The following AFTPH variants were observed in gnomAD, a reference collection of about 807,000 sequenced individuals.
AFTPH encodes the protein aftiphilin.
In AFTPH, 7 loss-of-function variants were observed where a neutral mutation model predicts 72.5. That is an observed-to-expected ratio of 0.10 (90% CI 0.05 to 0.18). The LOEUF (loss-of-function observed/expected upper bound fraction) is 0.18. Among genes scored for constraint, AFTPH ranks in the 10% least tolerant of loss-of-function variants. The pLI, the probability that AFTPH is intolerant of heterozygous loss-of-function variation, is 1.00. For missense variants in AFTPH, 979 were observed against 1,060.5 expected, an observed-to-expected ratio of 0.92 and a Z score of 1.07; for synonymous variants, 337 against 370.1, an observed-to-expected ratio of 0.91 and a Z score of 1.03.
At chr2:64,532,966 A>G (rs1669707463) in intron 1 of AFTPH, among the ~76,000 whole-genome samples, 1 of 152,202 alleles carries the variant, frequency 6.6e-6, no homozygotes, top group Non-Finnish European at 1.5e-5. Flanking sequence ...CATATGTGTA[A>G]TTAAGTAGAT....
At chr2:64,577,611 C>CTGATCT (rs1345432120) in intron 6 of AFTPH, among the ~76,000 whole-genome samples, 2 of 152,186 alleles carry the variant, frequency 1.3e-5, no homozygotes, top group African/African-American at 4.8e-5. Context: ...AAAGGTGTCA[C>CTGATCT]TGATCTAGAA....
Position 64,589,718 on chromosome 2 carries a change from C to T in AFTPH, c.2580-2167C>T, listed in dbSNP as rs143742218. 1.4e-3 allele frequency among the ~76,000 whole-genome samples: 213 copies of T among 152,262 alleles called. 1 individual carries two copies. The highest frequency in any genetic ancestry group is 5.0e-3 in the African/African-American group (208 of 41,546). On this transcript the variant is annotated intron_variant, in intron 8 of 8. Transcript: ENST00000238856. ...TTATTTTTTGCTGTCTGTTCCTACA[C>T]CCAAACTGCACTCCACAAATGGGAA...
intron 6 of AFTPH, 53 bp downstream of exon 6, chr2:64,573,121 ATC>A: frequency 1.5e-6 from 2 of 1,355,224 alleles, no homozygotes; most frequent in Non-Finnish European, 2.1e-6. Flanking sequence ...ATACACATAT[ATC>A]CACACATACT....
chr2:64,525,216 C>G (rs529795237), intron 1 of AFTPH, among the ~76,000 whole-genome samples: 2 of 152,326 alleles, frequency 1.3e-5, no homozygotes, highest in African/African-American at 4.8e-5. Context: ...TTATCTGCGT[C>G]TCCTCTCCAG....
intron 8 of AFTPH, among the ~76,000 whole-genome samples, chr2:64,588,829 C>A (rs539188801): frequency 6.6e-6 from 1 of 152,274 alleles, no homozygotes; most frequent in East Asian, 1.9e-4. Context: ...CAAGCGATCT[C>A]CCTCCTCAGC....
chr2:64,555,554 G>GTC (rs1319217092), intron 2 of AFTPH, among the ~76,000 whole-genome samples: 45 of 118,164 alleles, frequency 3.8e-4, no homozygotes, highest in African/African-American at 1.5e-3. Flanking sequence ...GAGAGAGACT[G>GTC]TCACACACAC....
chr2:64,567,661 C>T, exon 3 of AFTPH: 2 of 1,613,498 alleles, frequency 1.2e-6, no homozygotes, highest in Non-Finnish European at 1.7e-6. Flanking sequence ...GAAGCACTTG[C>T]TGGAAACAAG....
chr2:64,552,669 G>T (rs1671121722), exon 2 of AFTPH: 5 of 1,614,048 alleles, frequency 3.1e-6, no homozygotes, highest in Non-Finnish European at 4.2e-6. Context: ...CCCAAACATT[G>T]ACCCCACAGA....
intron 2 of AFTPH, among the ~76,000 whole-genome samples, chr2:64,565,847 T>TA (rs1305478384): frequency 6.6e-6 from 1 of 152,230 alleles, no homozygotes; most frequent in Non-Finnish European, 1.5e-5. Context: ...CCATTCAACT[T>TA]ACATCCTTTT....
chr2:64,544,410 CACAT>C (rs1442072899), intron 1 of AFTPH, among the ~76,000 whole-genome samples: 2 of 152,208 alleles, frequency 1.3e-5, no homozygotes, highest in Admixed American at 1.3e-4. Flanking sequence ...GCAAGTTACA[CACAT>C]GCATGCACAC....
At chr2:64,564,679 A>G (rs1016430134) in intron 2 of AFTPH, among the ~76,000 whole-genome samples, 5 of 152,086 alleles carry the variant, frequency 3.3e-5, no homozygotes, top group African/African-American at 1.2e-4. Context: ...CCCTGGATCT[A>G]TAGCCCTCTA....
At chr2:64,567,362 CTCA>C (rs1292910750) in intron 2 of AFTPH, among the ~76,000 whole-genome samples, 197 bp from the exon 3 acceptor site, 1 of 152,130 alleles carries the variant, frequency 6.6e-6, no homozygotes, top group Non-Finnish European at 1.5e-5. Flanking sequence ...AGCTACGTAG[CTCA>C]TCATCATCAT....
intron 2 of AFTPH, among the ~76,000 whole-genome samples, chr2:64,556,963 G>A (rs1487490757): frequency 2.0e-5 from 3 of 152,142 alleles, no homozygotes; most frequent in Non-Finnish European, 1.5e-5. Context: ...TCCATTATAC[G>A]AATGAGAACG....
intron 1 of AFTPH, among the ~76,000 whole-genome samples, chr2:64,533,082 AG>A (rs1669713142): frequency 6.6e-6 from 1 of 152,104 alleles, no homozygotes; most frequent in African/African-American, 2.4e-5. Flanking sequence ...AATTATGAAT[AG>A]GTATTGATGT....
intron 2 of AFTPH, among the ~76,000 whole-genome samples, chr2:64,562,070 C>A (rs1026809921): frequency 6.6e-6 from 1 of 152,122 alleles, no homozygotes; most frequent in East Asian, 1.9e-4. Context: ...ATGGTACTTA[C>A]CTGAATCTTC....
chr2:64,545,408 T>C (rs1034065281), intron 1 of AFTPH, among the ~76,000 whole-genome samples: 4 of 150,252 alleles, frequency 2.7e-5, no homozygotes, highest in Admixed American at 1.3e-4. Flanking sequence ...TATATACTAT[T>C]ATTATGTATA....
At chr2:64,528,529 A>G (rs1669419887) in intron 1 of AFTPH, among the ~76,000 whole-genome samples, 1 of 152,210 alleles carries the variant, frequency 6.6e-6, no homozygotes, top group Non-Finnish European at 1.5e-5. Context: ...AAATGGAATC[A>G]GTTTTGGGGG....
rs945102733 is a variant in AFTPH at position 64,571,305 on chromosome 2, C to T, written c.2271+1626C>T. On this transcript the variant is annotated intron_variant, in intron 5 of 8. Transcript: ENST00000238856. ...TTTTTCAGTATTTCTGAGGTAGGCTCAAGAATTTGCACGTCTGACAAGTTC... is the reference window on the plus strand; with the variant it reads ...TTTTTCAGTATTTCTGAGGTAGGCTTAAGAATTTGCACGTCTGACAAGTTC... Among the ~76,000 whole-genome samples the T allele has an allele frequency of 2.7e-5, 4 of 150,128 alleles. No homozygotes were observed. In the South Asian group the frequency reaches 8.9e-4, roughly 33 times the overall value.
chr2:64,576,114 C>CGT (rs1672773876), intron 6 of AFTPH, among the ~76,000 whole-genome samples: 1 of 117,650 alleles, frequency 8.5e-6, no homozygotes, highest in African/African-American at 4.8e-5. Flanking sequence ...CACACACACA[C>CGT]ACACGTGTGT....
Sources: gnomAD v4.1 joint callset for allele counts (sites outside exome capture counted in the v4.1 genomes callset) on GRCh38, gnomAD v4.1.1 for gene constraint, MANE v1.5 for transcripts, NCBI Gene and HGNC (gene_info 2026-07-23, HGNC 2026-07-21) for gene names.